NFRKB: variants seen among roughly 807,000 people sequenced by gnomAD.
NFRKB encodes the protein nuclear factor related to kappaB binding protein.
In NFRKB, 62 loss-of-function variants were observed where a neutral mutation model predicts 135.7. The observed-to-expected ratio is 0.46, with a 90% CI of 0.37 to 0.56. NFRKB has a LOEUF of 0.56. Ranked by LOEUF, NFRKB falls within the 20% of genes least tolerant of loss-of-function variation. The pLI, the probability that NFRKB is intolerant of heterozygous loss-of-function variation, is 0.00. For synonymous variants in NFRKB, 678 were observed against 635.6 expected (o/e 1.07, Z -1.00); for missense variants, 1,545 against 1,662.0 (o/e 0.93, Z 1.22).
Position 129,869,710 on chromosome 11 carries a change from G to A in NFRKB, c.3315C>T (p.Ile1105=), listed in dbSNP as rs751773691. ...CTTGCTTGGCGTGGGTTGCAACGGT[G>A]ATGGTCTGGCCTGCTTTGGGAGGCA... ...GVMPPKAGQT[I]TVATHAKQGA... The change falls in exon 24 of 27, where the codon ATC becomes ATT. Residue 1105 remains isoleucine (I), a synonymous_variant. Transcript: ENST00000682444. The A allele has an allele frequency of 2.5e-6, 4 of 1,614,142 alleles. No individual in the cohort carries two copies. In the East Asian group the frequency reaches 8.9e-5, roughly 36 times the overall value.
chr11:129,878,435 A>T (rs1948875131), intron 14 of NFRKB, 29 bp downstream of exon 14: 1 of 1,612,880 alleles, frequency 6.2e-7, no homozygotes, highest in Admixed American at 1.7e-5. Context: ...CCCAGTGAGA[A>T]GGATCTGGTA....
intron 4 of NFRKB, 50 bp from the exon 5 acceptor site, chr11:129,886,494 C>T (rs1176227219): frequency 6.6e-7 from 1 of 1,523,242 alleles, no homozygotes; most frequent in African/African-American, 1.4e-5. Context: ...AAATATACAT[C>T]ATCAGTCAAC....
Position 129,886,499 on chromosome 11 carries a change from G to A in NFRKB, c.338-55C>T, listed in dbSNP as rs145146730. 5.2e-4 allele frequency: 780 copies of A among 1,509,338 alleles called. 1 individual carries two copies. In the African/African-American group the frequency reaches 9.8e-3, roughly 19 times the overall value. The allele number at this position is 1,509,338 out of a possible 1,614,324, so 93.5% of individuals were successfully genotyped here. A position where few individuals can be genotyped will look rare whatever the true frequency, so the allele number is the denominator to read the frequency against. ...ATCAATCAACAAATATACATCATCA[G>A]TCAACAAATATATTGAATGAGTGCT... On this transcript the variant is annotated intron_variant, in intron 4 of 26. Coordinates refer to ENST00000682444, the MANE Select transcript of NFRKB (RefSeq NM_001143835.2).
chr11:129,891,099 T>C (rs1380595450), intron 3 of NFRKB, among the ~76,000 whole-genome samples: 1 of 152,056 alleles, frequency 6.6e-6, no homozygotes, highest in Non-Finnish European at 1.5e-5. Context: ...GTTGAAAAGG[T>C]AGTGGTGACC....
chr11:129,881,357 G>T, intron 13 of NFRKB, 86 bp downstream of exon 13: 2 of 1,341,134 alleles, frequency 1.5e-6, no homozygotes, highest in Non-Finnish European at 2.1e-6. Context: ...CAATCTGCAG[G>T]ACTATATTGA....
At chr11:129,876,656 A>G in intron 17 of NFRKB, 65 bp downstream of exon 17, 1 of 1,556,098 alleles carries the variant, frequency 6.4e-7, no homozygotes, top group Non-Finnish European at 8.7e-7. Flanking sequence ...CAGAGTTCAG[A>G]GTTGGTAAGA....
rs191796083 is a variant in NFRKB at position 129,870,289 on chromosome 11, G to C, written c.2764-28C>G. 1.3e-4 allele frequency: 210 copies of C among 1,597,448 alleles called. No homozygotes were observed. In the African/African-American group the frequency reaches 2.5e-3, roughly 19 times the overall value. On this transcript the variant is annotated intron_variant, in intron 23 of 26. Coordinates refer to ENST00000682444, the MANE Select transcript of NFRKB (RefSeq NM_001143835.2). ...GAATGGGGAGAAGCAGCACTGATGA[G>C]GGATTCACAATAGTAAACCGGTTAC... is the stretch of plus-strand genomic sequence containing the variant.
intron 4 of NFRKB, chr11:129,888,210 G>A: frequency 1.9e-6 from 1 of 514,976 alleles, no homozygotes; most frequent in Non-Finnish European, 3.4e-6. Flanking sequence ...AGCAAAAAGT[G>A]TGTGTGTACC....
intron 24 of NFRKB, among the ~76,000 whole-genome samples, chr11:129,868,226 A>G (rs1948304746): frequency 6.6e-6 from 1 of 152,236 alleles, no homozygotes; most frequent in South Asian, 2.1e-4. Flanking sequence ...CAGATTCCGT[A>G]TCTTCTGGAT....
chr11:129,885,306 C>T, intron 6 of NFRKB, 129 bp downstream of exon 6: 1 of 1,039,828 alleles, frequency 9.6e-7, no homozygotes, highest in Non-Finnish European at 1.4e-6. Flanking sequence ...TCCCGCTATG[C>T]ACCCCAGACC....
At position 129,892,866 on chromosome 11, in the gene NFRKB, G is replaced by A. The variant is rs1949619991; in HGVS notation, c.-17C>T. On this transcript the variant is annotated 5_prime_UTR_variant, in exon 3 of 27. Transcript: ENST00000682444. The stretch of plus-strand genomic sequence containing the variant: ...GGAATCCATTGTTTCTTCTCCACAG[G>A]TACTCTGGACAAAGACATGCATCTT... The A allele has an allele frequency of 6.2e-7, 1 of 1,614,108 alleles. No individual in the cohort carries two copies. The highest frequency in any genetic ancestry group is 8.5e-7 in the Non-Finnish European group (1 of 1,180,006).
At position 129,874,063 on chromosome 11, in the gene NFRKB, C is replaced by A; in HGVS notation, c.2280-48G>T. Reference sequence around the variant, plus strand: ...ACAAAAAACAAAAACTTAGGACATGCATACAAAAGAACTCTAGAACGAAAA... The same window carrying A: ...ACAAAAAACAAAAACTTAGGACATGAATACAAAAGAACTCTAGAACGAAAA... On this transcript the variant is annotated intron_variant, in intron 21 of 26. Transcript: ENST00000682444. The surrounding 1 kb of genome is among the most constrained non-coding windows in gnomAD (Gnocchi z 4.5). 1 of 1,595,828 alleles carries A rather than the reference C, an allele frequency of 6.3e-7. No individual in the cohort carries two copies. The highest frequency in any genetic ancestry group is 8.6e-7 in the Non-Finnish European group (1 of 1,168,202).
At chr11:129,894,933 G>C (rs1045145444) in intron 1 of NFRKB, among the ~76,000 whole-genome samples, 8 of 152,246 alleles carry the variant, frequency 5.3e-5, no homozygotes, top group African/African-American at 1.9e-4. Flanking sequence ...AGTTTCTTCA[G>C]TGACGGTGCG....
chr11:129,888,493 C>A, intron 4 of NFRKB, 101 bp downstream of exon 4: 1 of 1,201,564 alleles, frequency 8.3e-7, no homozygotes, highest in Non-Finnish European at 1.2e-6. Flanking sequence ...AGTATCTGTA[C>A]ATGAAGATAA....
At chr11:129,873,556 C>T (rs1376315736) in intron 22 of NFRKB, among the ~76,000 whole-genome samples, 189 bp downstream of exon 22, 2 of 152,174 alleles carry the variant, frequency 1.3e-5, no homozygotes, top group Non-Finnish European at 2.9e-5. Context: ...TGATTCCCAA[C>T]ACATAAACAC....
In NFRKB at chr11:129,865,799, C is replaced by T. The variant is rs531336889; in HGVS notation, c.3638+78G>A. 15 of 1,309,186 alleles carry T rather than the reference C, an allele frequency of 1.1e-5. 1 individual carries two copies. The South Asian group carries it at 1.7e-4, about 15-fold the overall frequency. 81.1% of individuals were successfully genotyped at this position (1,309,186 alleles called of 1,614,324 possible). A position where few individuals can be genotyped will look rare whatever the true frequency, so the allele number is the denominator to read the frequency against. On this transcript the variant is annotated intron_variant, in intron 25 of 26. Coordinates refer to ENST00000682444, the MANE Select transcript of NFRKB (RefSeq NM_001143835.2). ...CCCAGAAAGACCAGCCACTTTGCCA[C>T]TCGGTGACAAGGACTGGTAAGCCCT...
At chr11:129,881,675 TA>T in intron 12 of NFRKB, 51 bp downstream of exon 12, 1 of 1,601,422 alleles carries the variant, frequency 6.2e-7, no homozygotes, top group South Asian at 1.1e-5. Flanking sequence ...TTCTAATAAT[TA>T]ATTAGACAAA....
At chr11:129,878,696 G>A (rs1198367200) in intron 13 of NFRKB, among the ~76,000 whole-genome samples, 153 bp from the exon 14 acceptor site, 2 of 152,148 alleles carry the variant, frequency 1.3e-5, no homozygotes, top group Admixed American at 6.5e-5. Context: ...TCCAGCTGGC[G>A]GAAGTCAGCC....
chr11:129,886,838 G>GC (rs1271766059), intron 4 of NFRKB, among the ~76,000 whole-genome samples: 2 of 152,304 alleles, frequency 1.3e-5, no homozygotes, highest in East Asian at 3.9e-4. Flanking sequence ...CCCTTACAGA[G>GC]CCCCTCTAAA....
Sources: allele counts gnomAD v4.1 joint callset (sites outside exome capture counted in the v4.1 genomes callset), GRCh38; gene constraint gnomAD v4.1.1; non-coding constraint Gnocchi (gnomAD v3.1); transcripts MANE v1.5; gene names NCBI Gene and HGNC (gene_info 2026-07-23, HGNC 2026-07-21).